Variants in SYTL3 observed in about 807,000 individuals in gnomAD.
SYTL3 encodes the protein synaptotagmin-like protein 3.
SYTL3 carries 88 observed loss-of-function variants against 82.1 expected under a neutral mutation model. The ratio of observed to expected loss-of-function variants is 1.07; its 90% CI spans 0.90 to 1.28. SYTL3 has a LOEUF of 1.28. Ranked by LOEUF, SYTL3 falls within the 50% of genes most tolerant of loss-of-function variation. The probability of loss-of-function intolerance (pLI) is 0.00; values close to 1 mark genes in which losing one functional copy is unlikely to be tolerated. For synonymous variants in SYTL3, 311 were observed against 289.4 expected (o/e 1.07, Z -0.76); for missense variants, 831 against 757.6 (o/e 1.10, Z -1.14).
intron 17 of SYTL3, among the ~76,000 whole-genome samples, chr6:158,764,086 CAA>C (rs2128558118): frequency 6.6e-6 from 1 of 152,360 alleles, no homozygotes; most frequent in South Asian, 2.1e-4. Context: ...CATTGCTTTT[CAA>C]AGATATTTTG....
intron 5 of SYTL3, among the ~76,000 whole-genome samples, 165 bp from the exon 6 acceptor site, chr6:158,682,760 C>T (rs1393035521): frequency 6.6e-6 from 1 of 152,150 alleles, no homozygotes; most frequent in African/African-American, 2.4e-5. Context: ...AATCACTTCG[C>T]CTCTATGGGG....
intron 6 of SYTL3, among the ~76,000 whole-genome samples, chr6:158,703,647 T>C (rs1248369140): frequency 2.6e-5 from 4 of 151,998 alleles, no homozygotes; most frequent in Non-Finnish European, 4.4e-5. Flanking sequence ...TCCAATGGGA[T>C]TGGGGCTCTG....
intron 11 of SYTL3, among the ~76,000 whole-genome samples, chr6:158,735,428 T>C (rs1420096648): frequency 6.6e-6 from 1 of 152,134 alleles, no homozygotes; most frequent in East Asian, 1.9e-4. Flanking sequence ...TTTTCTAAAG[T>C]TTTCTCTGAT....
chr6:158,723,846 C>T (rs1784406176), intron 10 of SYTL3, among the ~76,000 whole-genome samples: 1 of 152,234 alleles, frequency 6.6e-6, no homozygotes, highest in African/African-American at 2.4e-5. Context: ...TTGATTGACA[C>T]TTCTGTCACA....
intron 2 of SYTL3, among the ~76,000 whole-genome samples, chr6:158,654,391 A>T (rs1304016363): frequency 6.6e-6 from 1 of 152,214 alleles, no homozygotes; most frequent in Non-Finnish European, 1.5e-5. Context: ...GACACACTCA[A>T]TGCCGTAACC....
intron 11 of SYTL3, among the ~76,000 whole-genome samples, chr6:158,736,308 G>C (rs1452772566): frequency 1.3e-5 from 2 of 151,938 alleles, no homozygotes; most frequent in South Asian, 2.1e-4. Context: ...CCAGGATCAC[G>C]CCACTGCACT....
chr6:158,657,711 A>G (rs1369146048), intron 2 of SYTL3, among the ~76,000 whole-genome samples: 2 of 152,152 alleles, frequency 1.3e-5, no homozygotes, highest in Non-Finnish European at 2.9e-5. Flanking sequence ...AAATCATATT[A>G]AGGACATTGT....
chr6:158,754,850 A>G (rs145656722), intron 13 of SYTL3, among the ~76,000 whole-genome samples: 132 of 152,256 alleles, frequency 8.7e-4, no homozygotes, highest in African/African-American at 3.1e-3. Context: ...ACAGCTGGAG[A>G]TGAGAGAGCT....
At chr6:158,722,897 C>G (rs1448145263) in intron 10 of SYTL3, among the ~76,000 whole-genome samples, 3 of 149,842 alleles carry the variant, frequency 2.0e-5, no homozygotes, top group Non-Finnish European at 4.4e-5. Context: ...TCCTGAGTAG[C>G]TAGGACTACA....
intron 6 of SYTL3, among the ~76,000 whole-genome samples, chr6:158,704,659 G>T (rs1460110072): frequency 6.6e-6 from 1 of 152,262 alleles, no homozygotes; most frequent in African/African-American, 2.4e-5. Flanking sequence ...GCAGGGTGGG[G>T]CACCCCGGAA....
intron 6 of SYTL3, among the ~76,000 whole-genome samples, chr6:158,684,745 G>T (rs1779101748): frequency 6.6e-6 from 1 of 150,668 alleles, no homozygotes; most frequent in Non-Finnish European, 1.5e-5. Flanking sequence ...ATAAAGGGTG[G>T]ATTTGCCCAG....
Position 158,725,486 on chromosome 6 carries a change from T to A in SYTL3, c.721-17T>A. The A allele has an allele frequency of 6.2e-7, 1 of 1,612,502 alleles. No individual in the cohort carries two copies. Among genetic ancestry groups the A allele is most frequent in the Non-Finnish European group, 8.5e-7 (1 of 1,179,290 alleles). On this transcript the variant is annotated splice_polypyrimidine_tract_variant and intron_variant, in intron 10 of 17. Coordinates refer to ENST00000611299, the MANE Select transcript of SYTL3 (RefSeq NM_001242394.2). ...GGATGGAGACTATAATATTAATTTC[T>A]GTTTTTCCTTCTCCAGAAGGTCAGT...
intron 11 of SYTL3, among the ~76,000 whole-genome samples, chr6:158,734,337 A>G (rs898400192): frequency 2.1e-4 from 32 of 152,016 alleles, no homozygotes; most frequent in Non-Finnish European, 4.1e-4. Context: ...AGCTCCTTCA[A>G]GGGCCAGAAT....
intron 10 of SYTL3, among the ~76,000 whole-genome samples, chr6:158,725,021 C>CA (rs1055817320): frequency 4.6e-5 from 7 of 150,912 alleles, no homozygotes; most frequent in Non-Finnish European, 7.4e-5. Context: ...GACTCCGTCT[C>CA]AAAAAAAGAA....
chr6:158,705,137 G>C (rs13194489), intron 6 of SYTL3, among the ~76,000 whole-genome samples: 1 of 59,700 alleles, frequency 1.7e-5, no homozygotes, highest in Non-Finnish European at 3.2e-5. Flanking sequence ...AGTGAGGGCT[G>C]TAAGGCCACA....
intron 6 of SYTL3, among the ~76,000 whole-genome samples, chr6:158,691,775 C>A (rs1779898826): frequency 6.6e-6 from 1 of 151,286 alleles, no homozygotes; most frequent in African/African-American, 2.4e-5. Flanking sequence ...CCTCAGCCTC[C>A]TGAGTAGCTG....
upstream of SYTL3, among the ~76,000 whole-genome samples, chr6:158,648,425 A>G (rs1235957277): frequency 3.3e-5 from 5 of 151,432 alleles, no homozygotes; most frequent in Non-Finnish European, 5.9e-5. Context: ...CCCTGTATCT[A>G]CTAAAAATAC....
intron 5 of SYTL3, among the ~76,000 whole-genome samples, chr6:158,674,440 C>T (rs1016017993): frequency 2.6e-5 from 4 of 152,178 alleles, no homozygotes; most frequent in Admixed American, 1.3e-4. Context: ...CGGTGATGCA[C>T]GGTCACAGAG....
At chr6:158,763,772 CTT>C (rs1319218349) in intron 17 of SYTL3, among the ~76,000 whole-genome samples, 1 of 152,180 alleles carries the variant, frequency 6.6e-6, no homozygotes, top group African/African-American at 2.4e-5. Context: ...ACAGTATTTG[CTT>C]TTGTTTCTGG....
Sources: allele counts gnomAD v4.1 joint callset (sites outside exome capture counted in the v4.1 genomes callset), GRCh38; gene constraint gnomAD v4.1.1; transcripts MANE v1.5; gene names NCBI Gene and HGNC (gene_info 2026-07-23, HGNC 2026-07-21).